MECOM: variants seen among roughly 807,000 people sequenced by gnomAD.
MECOM encodes histone-lysine N-methyltransferase MECOM.
Under a neutral mutation model 116.3 loss-of-function variants are expected in MECOM, and 13 were observed. The ratio of observed to expected loss-of-function variants is 0.11; its 90% CI spans 0.07 to 0.18. The LOEUF is 0.18. MECOM is among the 10% of genes least tolerant of loss of function. MECOM has a pLI of 1.00. For synonymous variants in MECOM, 528 were observed against 535.2 expected, an observed-to-expected ratio of 0.99 and a Z score of 0.19; for missense variants, 1,299 against 1,509.0, an observed-to-expected ratio of 0.86 and a Z score of 2.31.
At chr3:169,601,515 G>A (rs1009157775) in intron 1 of MECOM, among the ~76,000 whole-genome samples, 4 of 152,180 alleles carry the variant, frequency 2.6e-5, no homozygotes, top group Admixed American at 1.3e-4. Flanking sequence ...TTGAGTTCCA[G>A]AAGGATGGTC....
At chr3:169,373,282 T>C (rs1730453116) in intron 2 of MECOM, among the ~76,000 whole-genome samples, 1 of 152,060 alleles carries the variant, frequency 6.6e-6, no homozygotes, top group African/African-American at 2.4e-5. Context: ...ATGTTTCTGG[T>C]ATCTATAGCT....
chr3:169,145,036 G>C, intron 2 of MECOM: 1 of 1,554,328 alleles, frequency 6.4e-7, no homozygotes, highest in African/African-American at 1.4e-5. Context: ...AAGGGCTTTA[G>C]TCAAGAAGCC....
At chr3:169,239,713 T>C (rs1754544494) in intron 2 of MECOM, among the ~76,000 whole-genome samples, 1 of 152,134 alleles carries the variant, frequency 6.6e-6, no homozygotes, top group South Asian at 2.1e-4. Flanking sequence ...ATTGTATTTT[T>C]TTCTAAATAA....
rs756508436 is a variant in MECOM, at chr3:169,084,027, G to A, written c.*882C>T. 16 of 230,382 alleles carry A rather than the reference G, an allele frequency of 6.9e-5. No individual in the cohort carries two copies. Among genetic ancestry groups the A allele is most frequent in the Admixed American group, 4.5e-4 (8 of 17,660 alleles). 14.3% of individuals were successfully genotyped at this position (230,382 alleles called of 1,614,324 possible). On this transcript the variant is annotated 3_prime_UTR_variant, in exon 17 of 17. Transcript: ENST00000651503. ...CGGGTCACCTTGGTCCTTGAAATTC[G>A]GAAAGGGGTGTGCCTCAGACGTCAT... is the stretch of plus-strand genomic sequence containing the variant.
At chr3:169,308,272 T>A (rs1280763678) in intron 2 of MECOM, among the ~76,000 whole-genome samples, 1 of 152,212 alleles carries the variant, frequency 6.6e-6, no homozygotes, top group Non-Finnish European at 1.5e-5. Context: ...CAATAAATAT[T>A]CACTAAAGTG....
intron 2 of MECOM, among the ~76,000 whole-genome samples, chr3:169,277,104 T>C (rs1759685428): frequency 6.6e-6 from 1 of 152,248 alleles, no homozygotes; most frequent in Non-Finnish European, 1.5e-5. Context: ...TTTTAGATTA[T>C]GAGGATACTT....
intron 5 of MECOM, 107 bp from the exon 6 acceptor site, chr3:169,122,834 G>T: frequency 7.8e-7 from 1 of 1,282,534 alleles, no homozygotes; most frequent in Non-Finnish European, 1.1e-6. Flanking sequence ...AGGAAAAGGA[G>T]TTGAACTGAG....
At chr3:169,620,837 T>C (rs1412385180) in intron 1 of MECOM, among the ~76,000 whole-genome samples, 2 of 139,732 alleles carry the variant, frequency 1.4e-5, no homozygotes, top group African/African-American at 5.4e-5. Context: ...AGTATCTTTA[T>C]TTTCTTTTCT....
At chr3:169,292,841 T>C (rs1254373135) in intron 2 of MECOM, among the ~76,000 whole-genome samples, 2 of 152,186 alleles carry the variant, frequency 1.3e-5, no homozygotes, top group Non-Finnish European at 1.5e-5. Flanking sequence ...CTGGATCAAA[T>C]TATATTCAAT....
chr3:169,134,556 G>A (rs1735773798), intron 3 of MECOM, among the ~76,000 whole-genome samples: 1 of 152,314 alleles, frequency 6.6e-6, no homozygotes, highest in South Asian at 2.1e-4. Flanking sequence ...TTCTGGGCAT[G>A]CTTCCCCATA....
intron 1 of MECOM, among the ~76,000 whole-genome samples, chr3:169,565,010 G>A (rs1281267692): frequency 6.6e-6 from 1 of 152,186 alleles, no homozygotes; most frequent in Non-Finnish European, 1.5e-5. Flanking sequence ...CATCTTTTAT[G>A]CGCCTCTCAT....
chr3:169,271,078 G>A (rs1168910140), intron 2 of MECOM, among the ~76,000 whole-genome samples: 9 of 152,164 alleles, frequency 5.9e-5, no homozygotes, highest in South Asian at 2.1e-4. Context: ...CGATTTCTCC[G>A]AAGGGAGTCA....
Position 169,116,711 on chromosome 3 carries a change from C to T in MECOM, c.1161G>A (p.Gln387=), listed in dbSNP as rs1729274185. ...GCTTATGACGGCAAAGGTTTGAAAA[C>T]TGAGTATAGGATTTATGGCAGACCT... is the stretch of plus-strand genomic sequence containing the variant. ...ICEVCHKSYT[Q]FSNLCRHKRM... is the part of the protein sequence containing the mutation. The change falls in exon 8 of 17, where the codon CAG becomes CAA. Residue 387 remains glutamine (Q), a synonymous_variant. Transcript: ENST00000651503. The T allele has an allele frequency of 6.2e-7, 1 of 1,612,984 alleles. No individual in the cohort carries two copies. The highest frequency in any genetic ancestry group is 8.5e-7 in the Non-Finnish European group (1 of 1,179,516).
intron 2 of MECOM, among the ~76,000 whole-genome samples, chr3:169,353,113 A>C (rs1200381746): frequency 6.6e-6 from 1 of 151,922 alleles, no homozygotes; most frequent in Non-Finnish European, 1.5e-5. Context: ...TTTCCTTCTC[A>C]TTGAATAATT....
At position 169,605,072 on chromosome 3, in the gene MECOM, G is replaced by A. The variant is rs555858538; in HGVS notation, c.37+58264C>T. ...AAATTCCCAGAGGCAACATTATACG[G>A]ATGGAAGGTCAGAAAACTCTGAGTG... is the stretch of plus-strand genomic sequence containing the variant. On this transcript the variant is annotated intron_variant, in intron 1 of 16. Coordinates refer to ENST00000651503, the MANE Select transcript of MECOM (RefSeq NM_004991.4). Among the ~76,000 whole-genome samples the A allele has an allele frequency of 3.9e-5, 6 of 152,264 alleles. No homozygotes were observed. In the South Asian group the frequency reaches 1.2e-3, roughly 32 times the overall value.
chr3:169,273,624 T>C (rs1473180204), intron 2 of MECOM, among the ~76,000 whole-genome samples: 3 of 152,138 alleles, frequency 2.0e-5, no homozygotes, highest in African/African-American at 7.2e-5. Flanking sequence ...CTATAGCAGT[T>C]TTATCTTAGG....
intron 1 of MECOM, among the ~76,000 whole-genome samples, chr3:169,519,971 G>A (rs568765886): frequency 6.6e-6 from 1 of 152,342 alleles, no homozygotes; most frequent in South Asian, 2.1e-4. Context: ...CTTGACCACA[G>A]CAACTGGTTC....
chr3:169,098,397 A>C (rs1163433825), intron 12 of MECOM, among the ~76,000 whole-genome samples: 1 of 152,006 alleles, frequency 6.6e-6, no homozygotes, highest in Non-Finnish European at 1.5e-5. Flanking sequence ...ATTTTCCTTA[A>C]TTTGGGTTGG....
chr3:169,443,281 A>C (rs1330250344), intron 1 of MECOM, among the ~76,000 whole-genome samples: 1 of 152,012 alleles, frequency 6.6e-6, no homozygotes, highest in South Asian at 2.1e-4. Context: ...CCCTCACATT[A>C]GGTCCCTTCA....
Sources: gnomAD v4.1 joint callset for allele counts (sites outside exome capture counted in the v4.1 genomes callset) on GRCh38, gnomAD v4.1.1 for gene constraint, MANE v1.5 for transcripts, NCBI Gene and HGNC (gene_info 2026-07-23, HGNC 2026-07-21) for gene names.